The following DMD variants were observed in gnomAD, a reference collection of about 807,000 sequenced individuals.
DMD encodes dystrophin.
In DMD, 63 loss-of-function variants were observed where a neutral mutation model predicts 330.1. That is an observed-to-expected ratio of 0.19 (90% CI 0.16 to 0.24). The LOEUF is 0.24. Ranked by LOEUF, DMD falls within the 10% of genes least tolerant of loss-of-function variation. DMD has a pLI of 1.00. For missense variants in DMD, 3,344 were observed against 2,684.1 expected (o/e 1.25, Z -5.43); for synonymous variants, 1,223 against 959.8 (o/e 1.27, Z -5.07).
rs73454100 is a variant in DMD, at chrX:32,090,714, T to C, written c.6439-122200A>G. Among the ~76,000 whole-genome samples the C allele has an allele frequency of 9.1e-3, 1,010 of 111,503 alleles. 10 individuals are homozygous for C. The highest frequency in any genetic ancestry group is 0.032 in the African/African-American group (973 of 30,685). ...CCAGTTTCTGAAAAGGTAGTACAAG[T>C]AATGTGAATGAAAGAGTATTCCGGT... On this transcript the variant is annotated intron_variant, in intron 44 of 78. Transcript: ENST00000357033.
At chrX:32,983,645 T>A (rs2092768356) in intron 2 of DMD, among the ~76,000 whole-genome samples, 1 of 109,934 alleles carries the variant, frequency 9.1e-6, no homozygotes, top group East Asian at 2.9e-4. Flanking sequence ...GGCTGTGATA[T>A]TATATTATAG....
intron 1 of DMD, among the ~76,000 whole-genome samples, chrX:33,204,638 C>A (rs1332407337): frequency 9.0e-6 from 1 of 111,402 alleles, no homozygotes; most frequent in Admixed American, 9.6e-5. Context: ...AAATGCTAGT[C>A]TCTCTTTGAG....
intron 9 of DMD, among the ~76,000 whole-genome samples, chrX:32,674,560 A>G (rs2061844732): frequency 9.0e-6 from 1 of 111,146 alleles, no homozygotes; most frequent in Non-Finnish European, 1.9e-5. Flanking sequence ...AGTTCTAGAT[A>G]TGCGCTCGGT....
Position 32,777,277 on chromosome X carries a change from T to TGGGGGTGGGGGGGGGTTGGC in DMD, c.649+32215_649+32216insGCCAACCCCCCCCCACCCCC, listed in dbSNP as rs1557019832. 9.5e-4 allele frequency among the ~76,000 whole-genome samples: 2 copies of TGGGGGTGGGGGGGGGTTGGC among 2,111 alleles called. 1 individual carries two copies. Among genetic ancestry groups the TGGGGGTGGGGGGGGGTTGGC allele is most frequent in the Non-Finnish European group, 1.4e-3 (2 of 1,428 alleles). 1.8% of individuals were successfully genotyped at this position (2,111 alleles called of 115,157 possible). A position where few individuals can be genotyped will look rare whatever the true frequency, so the allele number is the denominator to read the frequency against. On this transcript the variant is annotated intron_variant, in intron 7 of 78. Coordinates refer to ENST00000357033, the MANE Select transcript of DMD (RefSeq NM_004006.3). ...CTAGTTTTTAAGTTTGGTTTCTGGTTGGGGGGGGAATCCTACCAAGCTAGG... is the reference window on the plus strand; with the variant it reads ...CTAGTTTTTAAGTTTGGTTTCTGGTTGGGGGTGGGGGGGGGTTGGCGGGGGGGGAATCCTACCAAGCTAGG...
intron 44 of DMD, among the ~76,000 whole-genome samples, chrX:32,072,066 C>T (rs17270877): frequency 0.076 from 8,459 of 111,425 alleles, 343 homozygotes; most frequent in East Asian, 0.22. Flanking sequence ...CATGGGCTTG[C>T]TCATTATTTG....
At chrX:32,784,002 G>A (rs2075130745) in intron 7 of DMD, among the ~76,000 whole-genome samples, 1 of 50,310 alleles carries the variant, frequency 2.0e-5, no homozygotes, top group South Asian at 1.4e-3. Flanking sequence ...TCATGGAGCG[G>A]GGGTGGGGGG....
chrX:33,084,679 G>A (rs1220707348), intron 1 of DMD, among the ~76,000 whole-genome samples: 2 of 111,453 alleles, frequency 1.8e-5, no homozygotes, highest in South Asian at 3.8e-4. Context: ...CAGTTTGGTG[G>A]GGGTCAGAAT....
intron 2 of DMD, among the ~76,000 whole-genome samples, chrX:32,866,723 T>TG (rs1298269829): frequency 0.04 from 363 of 8,976 alleles, 3 homozygotes; most frequent in South Asian, 0.13. Flanking sequence ...ACACTTTTTT[T>TG]TGGGGGGGGG....
At chrX:32,004,243 A>G (rs12007475) in intron 44 of DMD, among the ~76,000 whole-genome samples, 7,782 of 111,274 alleles carry the variant, frequency 0.07, 263 homozygotes, top group African/African-American at 0.13. Flanking sequence ...AACACTTCCT[A>G]GAAATGCGTA....
chrX:32,773,754 T>A (rs1483495847), intron 7 of DMD, among the ~76,000 whole-genome samples: 2 of 111,635 alleles, frequency 1.8e-5, no homozygotes, highest in Non-Finnish European at 3.8e-5. Context: ...TCTCCTTTTT[T>A]AAAGCTCCTC....
intron 60 of DMD, among the ~76,000 whole-genome samples, chrX:31,388,737 A>T (rs192394122): frequency 9.0e-6 from 1 of 111,133 alleles, no homozygotes; most frequent in Admixed American, 9.6e-5. Context: ...TCCCGTCTCT[A>T]CTAAAAATAC....
Position 33,058,619 on chromosome X carries a change from A to T in DMD, c.32-38419T>A, listed in dbSNP as rs547248281. ...CACCTGGCCTACTAATTTCTTTTGA[A>T]CACATACATATGAGAGGAATTGCTG... On this transcript the variant is annotated intron_variant, in intron 1 of 78. Coordinates refer to ENST00000357033, the MANE Select transcript of DMD (RefSeq NM_004006.3). Among the ~76,000 whole-genome samples the T allele has an allele frequency of 1.4e-4, 15 of 110,601 alleles. No individual in the cohort carries two copies. The South Asian group carries it at 3.9e-3, about 29-fold the overall frequency.
chrX:31,627,539 C>A, intron 55 of DMD, 134 bp downstream of exon 55: 1 of 646,077 alleles, frequency 1.5e-6, no homozygotes. Flanking sequence ...CCTCCTTGTC[C>A]AAATACCGAA....
At chrX:31,519,654 C>G (rs982639589) in intron 55 of DMD, among the ~76,000 whole-genome samples, 1 of 111,896 alleles carries the variant, frequency 8.9e-6, no homozygotes, top group Non-Finnish European at 1.9e-5. Flanking sequence ...TTTTAAATAG[C>G]AGGACAATTT....
intron 50 of DMD, among the ~76,000 whole-genome samples, chrX:31,787,950 T>G (rs758795129): frequency 2.7e-5 from 3 of 111,947 alleles, no homozygotes; most frequent in Non-Finnish European, 5.6e-5. Context: ...CAAATAAAAA[T>G]TTGGTGTTTG....
chrX:31,675,578 G>A (rs2082031452), intron 53 of DMD, among the ~76,000 whole-genome samples: 1 of 110,824 alleles, frequency 9.0e-6, no homozygotes, highest in African/African-American at 3.3e-5. Context: ...GGTCAGGCCG[G>A]TCTCAAACTC....
intron 12 of DMD, among the ~76,000 whole-genome samples, chrX:32,613,907 T>A (rs1291602594): frequency 9.0e-6 from 1 of 111,083 alleles, no homozygotes; most frequent in African/African-American, 3.3e-5. Flanking sequence ...GTTCTCGAGT[T>A]TGGGAAATCC....
chrX:31,834,014 G>C (rs989569624), intron 49 of DMD, among the ~76,000 whole-genome samples: 1 of 110,877 alleles, frequency 9.0e-6, no homozygotes, highest in Non-Finnish European at 1.9e-5. Context: ...TGTGCTGCAG[G>C]CTACTCAGAC....
intron 2 of DMD, among the ~76,000 whole-genome samples, chrX:32,970,591 G>A (rs1209454284): frequency 2.2e-5 from 2 of 92,656 alleles, no homozygotes; most frequent in Admixed American, 1.1e-4. Flanking sequence ...CCAAGATGGC[G>A]CCACTGCACT....
Sources: gnomAD v4.1 joint callset for allele counts (sites outside exome capture counted in the v4.1 genomes callset) on GRCh38, gnomAD v4.1.1 for gene constraint, MANE v1.5 for transcripts, NCBI Gene and HGNC (gene_info 2026-07-23, HGNC 2026-07-21) for gene names.